The following DST variants were observed in gnomAD, a reference collection of about 807,000 sequenced individuals.
DST encodes the protein dystonin.
DST carries 253 observed loss-of-function variants against 875.2 expected under a neutral mutation model. The ratio of observed to expected loss-of-function variants is 0.29; its 90% CI spans 0.26 to 0.32. The LOEUF (loss-of-function observed/expected upper bound fraction) is 0.32. Among genes scored for constraint, DST ranks in the 10% least tolerant of loss-of-function variants. DST has a pLI of 1.00. For missense variants in DST, 8,287 were observed against 9,111.6 expected (o/e 0.91, Z 3.68); for synonymous variants, 3,124 against 3,197.1 (o/e 0.98, Z 0.77).
intron 3 of DST, among the ~76,000 whole-genome samples, chr6:56,872,850 T>G (rs1777997874): frequency 8.1e-6 from 1 of 124,108 alleles, no homozygotes; most frequent in Non-Finnish European, 1.6e-5. Flanking sequence ...TTTTTTCGGA[T>G]ATATACCCAG....
At chr6:56,787,338 T>C (rs941189832) in intron 4 of DST, among the ~76,000 whole-genome samples, 6 of 152,314 alleles carry the variant, frequency 3.9e-5, no homozygotes, top group African/African-American at 9.6e-5. Context: ...CAGATGAGTA[T>C]AGTGAAGCTC....
rs1025833316 is a variant in DST at position 56,897,122 on chromosome 6, T to C, written c.417+3299A>G. Reference sequence around the variant, plus strand: ...GTCTTAGGTTTAAGTCCTTAATCTATCTTGAGTTGATTTTTGTATAAGGTG... The same window carrying C: ...GTCTTAGGTTTAAGTCCTTAATCTACCTTGAGTTGATTTTTGTATAAGGTG... On this transcript the variant is annotated intron_variant, in intron 3 of 103. Transcript: ENST00000680361. Among the ~76,000 whole-genome samples the C allele has an allele frequency of 1.2e-4, 18 of 152,320 alleles. 1 individual carries two copies. The highest frequency in any genetic ancestry group is 4.3e-4 in the African/African-American group (18 of 41,572).
chr6:56,795,555 C>G lies in DST; in HGVS notation c.625+55842G>C, dbSNP rs150992189. The stretch of plus-strand genomic sequence containing the variant: ...GAGAGACAAAGAAAAGACACTAAAA[C>G]AGTAGTTCTCAACTCTGGCTACATC... On this transcript the variant is annotated intron_variant, in intron 4 of 103. Transcript: ENST00000680361. Among the ~76,000 whole-genome samples, 509 of 152,252 alleles carry G rather than the reference C, an allele frequency of 3.3e-3. 4 individuals are homozygous for G. The highest frequency in any genetic ancestry group is 0.012 in the African/African-American group (493 of 41,558).
At chr6:56,497,082 T>C (rs999900068) in intron 82 of DST, among the ~76,000 whole-genome samples, 34 of 151,984 alleles carry the variant, frequency 2.2e-4, no homozygotes, top group Admixed American at 3.9e-4. Context: ...AGTTAATGGG[T>C]GCAGGACACC....
At chr6:56,593,203 G>A (rs2098311706) in intron 48 of DST, among the ~76,000 whole-genome samples, 1 of 152,076 alleles carries the variant, frequency 6.6e-6, no homozygotes, top group Non-Finnish European at 1.5e-5. Context: ...ACATTGTTCA[G>A]AAGTAAAGCA....
intron 3 of DST, among the ~76,000 whole-genome samples, chr6:56,870,904 CA>C (rs145986814): frequency 0.029 from 4,451 of 151,552 alleles, 216 homozygotes; most frequent in African/African-American, 0.098. Context: ...AAAAGAGTAT[CA>C]AAAGTAGGAG....
At chr6:56,700,241 C>T (rs1039593286) in intron 8 of DST, among the ~76,000 whole-genome samples, 10 of 152,204 alleles carry the variant, frequency 6.6e-5, no homozygotes, top group Non-Finnish European at 1.2e-4. Context: ...ACTCCTCCCA[C>T]CAGCCAGTTC....
At chr6:56,639,046 G>A (rs1419051677) in intron 22 of DST, 1 of 599,174 alleles carries the variant, frequency 1.7e-6, no homozygotes, top group African/African-American at 1.9e-5. Context: ...CAGCCACAGA[G>A]GCTGACAAGG....
chr6:56,544,501 T>A (rs964146776), intron 61 of DST, among the ~76,000 whole-genome samples: 2 of 152,152 alleles, frequency 1.3e-5, no homozygotes, highest in Non-Finnish European at 2.9e-5. Flanking sequence ...AATAATTCAT[T>A]CATAAATTAA....
intron 4 of DST, among the ~76,000 whole-genome samples, chr6:56,807,987 G>A (rs942444047): frequency 2.6e-5 from 4 of 152,130 alleles, no homozygotes; most frequent in African/African-American, 9.7e-5. Flanking sequence ...AGAAAAAAAT[G>A]TACTAGTCTT....
chr6:56,530,462 A>G (rs1039385490), intron 64 of DST, among the ~76,000 whole-genome samples: 2 of 152,290 alleles, frequency 1.3e-5, no homozygotes, highest in South Asian at 2.1e-4. Flanking sequence ...AACAGGTAAA[A>G]TTTATTGAAC....
intron 95 of DST, among the ~76,000 whole-genome samples, chr6:56,470,616 G>A (rs1195304092): frequency 6.6e-6 from 1 of 151,800 alleles, no homozygotes; most frequent in Non-Finnish European, 1.5e-5. Context: ...ATCTGTCAGG[G>A]AAATCACATA....
At chr6:56,921,184 CAT>C (rs1436257988) in intron 2 of DST, among the ~76,000 whole-genome samples, 4 of 152,218 alleles carry the variant, frequency 2.6e-5, no homozygotes, top group South Asian at 2.1e-4. Context: ...TTTCTACTAA[CAT>C]GTGATTCTGT....
intron 2 of DST, among the ~76,000 whole-genome samples, chr6:56,943,857 A>G (rs531342845): frequency 6.6e-6 from 1 of 152,190 alleles, no homozygotes; most frequent in African/African-American, 2.4e-5. Context: ...TGGCTCACGC[A>G]TGTAATCCCA....
At chr6:56,546,091 A>G (rs2097215541) in intron 61 of DST, among the ~76,000 whole-genome samples, 1 of 151,970 alleles carries the variant, frequency 6.6e-6, no homozygotes, top group African/African-American at 2.4e-5. Flanking sequence ...AAAGTAGAAT[A>G]TTCTCATCCT....
intron 75 of DST, among the ~76,000 whole-genome samples, chr6:56,506,991 T>A (rs2096337012): frequency 6.6e-6 from 1 of 152,182 alleles, no homozygotes; most frequent in Admixed American, 6.5e-5. Context: ...AAATGTCAAA[T>A]GTTTATTATA....
At chr6:56,459,496 G>A (rs777565037) in intron 103 of DST, among the ~76,000 whole-genome samples, 3 of 152,134 alleles carry the variant, frequency 2.0e-5, no homozygotes, top group Admixed American at 6.5e-5. Context: ...GGTAAGTTTC[G>A]GCTTCCCCTA....
intron 4 of DST, among the ~76,000 whole-genome samples, chr6:56,744,386 A>C (rs1445386283): frequency 6.6e-6 from 1 of 152,088 alleles, no homozygotes; most frequent in East Asian, 1.9e-4. Context: ...CTCAAAAAAA[A>C]AAAAGGTAAA....
At chr6:56,820,268 T>C (rs1224953477) in intron 4 of DST, among the ~76,000 whole-genome samples, 2 of 152,242 alleles carry the variant, frequency 1.3e-5, no homozygotes, top group African/African-American at 4.8e-5. Flanking sequence ...ACACTTATAC[T>C]ATGCTTGGAA....
Sources: gnomAD v4.1 joint callset for allele counts (sites outside exome capture counted in the v4.1 genomes callset) on GRCh38, gnomAD v4.1.1 for gene constraint, MANE v1.5 for transcripts, NCBI Gene and HGNC (gene_info 2026-07-23, HGNC 2026-07-21) for gene names.